Variants in KCNIP4 observed in about 807,000 individuals in gnomAD.
KCNIP4 encodes the protein Kv channel-interacting protein 4.
A neutral mutation model predicts 34.0 loss-of-function variants in KCNIP4; 12 were observed. The observed-to-expected ratio is 0.35, with a 90% CI of 0.23 to 0.57. The LOEUF (loss-of-function observed/expected upper bound fraction) is 0.57. Among genes scored for constraint, KCNIP4 ranks in the 20% least tolerant of loss-of-function variants. The probability of loss-of-function intolerance (pLI) is 0.83; values close to 1 mark genes in which losing one functional copy is unlikely to be tolerated. For missense variants in KCNIP4, 238 were observed against 311.7 expected (o/e 0.76, Z 1.78); for synonymous variants, 124 against 102.2 (o/e 1.21, Z -1.29).
At chr4:20,768,757 A>G (rs888179742) in intron 3 of KCNIP4, among the ~76,000 whole-genome samples, 18 of 152,216 alleles carry the variant, frequency 1.2e-4, no homozygotes, top group Non-Finnish European at 1.6e-4. Context: ...TTGTTTCCAA[A>G]ATCTGCATTA....
chr4:21,144,658 G>C lies in KCNIP4; in HGVS notation c.62-261949C>G, dbSNP rs16870448. On this transcript the variant is annotated intron_variant, in intron 1 of 8. Coordinates refer to ENST00000382152, the MANE Select transcript of KCNIP4 (RefSeq NM_025221.6). Reference sequence around the variant, plus strand: ...CCATAGAGCTTTCCAATGTAAAATGGGGCTCATCTCCTTTCACCCTAACCC... The same window carrying C: ...CCATAGAGCTTTCCAATGTAAAATGCGGCTCATCTCCTTTCACCCTAACCC... Among the ~76,000 whole-genome samples, 461 of 152,166 alleles carry C rather than the reference G, an allele frequency of 3.0e-3. 2 individuals carry two copies. Among genetic ancestry groups the C allele is most frequent in the African/African-American group, 0.011 (438 of 41,484 alleles).
At chr4:20,840,235 T>C (rs554462124) in intron 3 of KCNIP4, among the ~76,000 whole-genome samples, 1 of 152,290 alleles carries the variant, frequency 6.6e-6, no homozygotes, top group South Asian at 2.1e-4. Context: ...CTCCAAACAT[T>C]ACCCCATGTG....
At chr4:20,969,742 G>A (rs2149674836) in intron 1 of KCNIP4, among the ~76,000 whole-genome samples, 1 of 151,548 alleles carries the variant, frequency 6.6e-6, no homozygotes, top group East Asian at 1.9e-4. Context: ...ATCAGGATTA[G>A]TAAACTATAT....
intron 1 of KCNIP4, among the ~76,000 whole-genome samples, chr4:21,588,384 T>G (rs1680981475): frequency 6.6e-6 from 1 of 151,910 alleles, no homozygotes. Flanking sequence ...TGATCTTCCC[T>G]CCTCCCCTCA....
At chr4:21,157,866 T>C (rs1737647347) in intron 1 of KCNIP4, among the ~76,000 whole-genome samples, 1 of 150,632 alleles carries the variant, frequency 6.6e-6, no homozygotes, top group Admixed American at 6.6e-5. Context: ...CAGAAAACAA[T>C]AGAAAAAATA....
chr4:21,410,579 G>A (rs191445441), intron 1 of KCNIP4, among the ~76,000 whole-genome samples: 5 of 152,250 alleles, frequency 3.3e-5, no homozygotes, highest in African/African-American at 4.8e-5. Flanking sequence ...GTGAACCATC[G>A]AGTGGATCAG....
intron 1 of KCNIP4, among the ~76,000 whole-genome samples, chr4:21,904,189 C>A (rs1727865425): frequency 6.6e-6 from 1 of 152,174 alleles, no homozygotes; most frequent in South Asian, 2.1e-4. Context: ...ATTCTTCAGT[C>A]CCCTCCCTAG....
chr4:21,590,428 A>C (rs1206098057), intron 1 of KCNIP4, among the ~76,000 whole-genome samples: 1 of 151,926 alleles, frequency 6.6e-6, no homozygotes, highest in Non-Finnish European at 1.5e-5. Flanking sequence ...CTGTGACACA[A>C]GAGGCTAAAA....
intron 1 of KCNIP4, among the ~76,000 whole-genome samples, chr4:21,212,513 C>A (rs187637604): frequency 6.6e-6 from 1 of 152,138 alleles, no homozygotes; most frequent in Non-Finnish European, 1.5e-5. Context: ...CATTGTTTCA[C>A]GGTTGTCTTC....
chr4:21,658,987 A>G (rs537853256), intron 1 of KCNIP4, among the ~76,000 whole-genome samples: 4 of 152,334 alleles, frequency 2.6e-5, no homozygotes, highest in Non-Finnish European at 5.9e-5. Context: ...TGAATTAGTA[A>G]GTGGACCTGT....
At chr4:21,236,919 T>C (rs113066845) in intron 1 of KCNIP4, among the ~76,000 whole-genome samples, 4,163 of 151,072 alleles carry the variant, frequency 0.028, 194 homozygotes, top group African/African-American at 0.097. Flanking sequence ...AGGCAGAGAA[T>C]TGCTTGAACC....
intron 1 of KCNIP4, among the ~76,000 whole-genome samples, chr4:21,926,886 C>A (rs2109002767): frequency 6.6e-6 from 1 of 152,286 alleles, no homozygotes; most frequent in Admixed American, 6.5e-5. Context: ...CAGGTATATT[C>A]ATTCTCTATT....
intron 1 of KCNIP4, among the ~76,000 whole-genome samples, chr4:21,469,307 A>G (rs556496855): frequency 1.2e-4 from 19 of 152,080 alleles, no homozygotes; most frequent in Admixed American, 4.6e-4. Flanking sequence ...TGGCCTCCCA[A>G]CATGTTAGGA....
chr4:21,559,364 A>C (rs1015155164), intron 1 of KCNIP4, among the ~76,000 whole-genome samples: 1 of 152,130 alleles, frequency 6.6e-6, no homozygotes, highest in African/African-American at 2.4e-5. Context: ...TATTCATTCG[A>C]TGATATATTG....
chr4:21,198,193 C>T (rs1756196889), intron 1 of KCNIP4, among the ~76,000 whole-genome samples: 1 of 152,154 alleles, frequency 6.6e-6, no homozygotes, highest in African/African-American at 2.4e-5. Context: ...TCGCTTCTAA[C>T]AATTAGTCCA....
chr4:21,064,950 A>G (rs1465960318), intron 1 of KCNIP4, among the ~76,000 whole-genome samples: 1 of 152,238 alleles, frequency 6.6e-6, no homozygotes, highest in Non-Finnish European at 1.5e-5. Context: ...TATAGTTTTA[A>G]TTTAAATTAT....
intron 1 of KCNIP4, among the ~76,000 whole-genome samples, chr4:21,330,202 C>T (rs970801576): frequency 2.6e-5 from 4 of 152,162 alleles, no homozygotes; most frequent in East Asian, 1.9e-4. Flanking sequence ...AGAGGCATCA[C>T]GAAATATTTG....
At chr4:21,310,619 ATTTC>A (rs1713044317) in intron 1 of KCNIP4, among the ~76,000 whole-genome samples, 1 of 150,902 alleles carries the variant, frequency 6.6e-6, no homozygotes, top group Admixed American at 6.6e-5. Flanking sequence ...TAATAAATGT[ATTTC>A]TTTCTTCTTC....
chr4:21,452,677 G>C (rs553811849), intron 1 of KCNIP4, among the ~76,000 whole-genome samples: 14 of 151,102 alleles, frequency 9.3e-5, no homozygotes, highest in African/African-American at 3.4e-4. Flanking sequence ...ACCATTATTA[G>C]TAGTACTATT....
Sources: allele counts gnomAD v4.1 joint callset (sites outside exome capture counted in the v4.1 genomes callset), GRCh38; gene constraint gnomAD v4.1.1; transcripts MANE v1.5; gene names NCBI Gene and HGNC (gene_info 2026-07-23, HGNC 2026-07-21).